ARHGAP24: variants seen among roughly 807,000 people sequenced by gnomAD.
ARHGAP24 encodes Rho GTPase activating protein 24, also known as rho GTPase-activating protein 24.
ARHGAP24 carries 50 observed loss-of-function variants against 76.4 expected under a neutral mutation model. That is an observed-to-expected ratio of 0.65 (90% CI 0.52 to 0.83). ARHGAP24 has a LOEUF of 0.83. ARHGAP24 is among the 40% of genes least tolerant of loss of function. The pLI is 0.00. For missense variants in ARHGAP24, 930 were observed against 914.2 expected (o/e 1.02, Z -0.22); for synonymous variants, 345 against 323.3 (o/e 1.07, Z -0.72).
intron 2 of ARHGAP24, among the ~76,000 whole-genome samples, chr4:85,646,316 C>T (rs557013519): frequency 6.6e-6 from 1 of 152,002 alleles, no homozygotes; most frequent in Non-Finnish European, 1.5e-5. Context: ...AATATGCCAT[C>T]ATCATCATTA....
At chr4:85,577,416 A>G (rs996470876) in intron 2 of ARHGAP24, among the ~76,000 whole-genome samples, 3 of 152,094 alleles carry the variant, frequency 2.0e-5, no homozygotes, top group African/African-American at 7.2e-5. Flanking sequence ...GGGAATATAA[A>G]ATAGCGTATT....
intron 1 of ARHGAP24, among the ~76,000 whole-genome samples, chr4:85,492,927 T>C (rs1578183700): frequency 6.6e-6 from 1 of 152,342 alleles, no homozygotes; most frequent in East Asian, 1.9e-4. Context: ...ACACAACATT[T>C]ATTTGTCATG....
intron 3 of ARHGAP24, among the ~76,000 whole-genome samples, chr4:85,805,860 T>G (rs1382506286): frequency 6.6e-6 from 1 of 152,160 alleles, no homozygotes; most frequent in African/African-American, 2.4e-5. Context: ...ACAAGCCTAT[T>G]TGGAAATTTA....
At chr4:85,704,207 C>G (rs1392573208) in intron 2 of ARHGAP24, among the ~76,000 whole-genome samples, 1 of 151,986 alleles carries the variant, frequency 6.6e-6, no homozygotes, top group African/African-American at 2.4e-5. Context: ...AGGTTGTACC[C>G]CATTTGTCAG....
At chr4:85,937,493 A>G (rs989400910) in intron 4 of ARHGAP24, among the ~76,000 whole-genome samples, 2 of 152,206 alleles carry the variant, frequency 1.3e-5, no homozygotes, top group African/African-American at 4.8e-5. Context: ...ACCTGAGAAT[A>G]ATTAATATGT....
At chr4:85,924,514 C>T (rs1578393932) in intron 4 of ARHGAP24, among the ~76,000 whole-genome samples, 1 of 151,890 alleles carries the variant, frequency 6.6e-6, no homozygotes, top group South Asian at 2.1e-4. Flanking sequence ...AACATAATGC[C>T]TAATTTTTAT....
rs1406901184 is a variant in ARHGAP24 at position 85,643,248 on chromosome 4, T to G, written c.180+72527T>G. On this transcript the variant is annotated intron_variant, in intron 2 of 9. Coordinates refer to ENST00000395184, the MANE Select transcript of ARHGAP24 (RefSeq NM_001025616.3). The stretch of plus-strand genomic sequence containing the variant: ...CGTTTTTTTGTGTTTTTTTTTTTTT[T>G]TTTTTTTTTTTTTTTTTTTTTGAGA... Among the ~76,000 whole-genome samples, 17 of 43,526 alleles carry G rather than the reference T, an allele frequency of 3.9e-4. 1 individual carries two copies. Among genetic ancestry groups the G allele is most frequent in the East Asian group, 0.011 (1 of 88 alleles). The allele number at this position is 43,526 out of a possible 152,430, so 28.6% of individuals were successfully genotyped here.
At position 85,723,883 on chromosome 4, in the gene ARHGAP24, T is replaced by A. The variant is rs141087230; in HGVS notation, c.268+1911T>A. ...TGTACTTCTGTGATAATGTGGGATC[T>A]GTATCAGGTTATTTTCATCAATATT... On this transcript the variant is annotated intron_variant, in intron 3 of 9. Coordinates refer to ENST00000395184, the MANE Select transcript of ARHGAP24 (RefSeq NM_001025616.3). Among the ~76,000 whole-genome samples the A allele has an allele frequency of 3.3e-3, 504 of 152,344 alleles. 3 individuals carry two copies. Among genetic ancestry groups the A allele is most frequent in the African/African-American group, 0.011 (478 of 41,586 alleles).
At chr4:85,786,577 A>G (rs1725730802) in intron 3 of ARHGAP24, among the ~76,000 whole-genome samples, 1 of 152,222 alleles carries the variant, frequency 6.6e-6, no homozygotes, top group Non-Finnish European at 1.5e-5. Context: ...TTTGTGTCAG[A>G]GATATGCATT....
intron 1 of ARHGAP24, among the ~76,000 whole-genome samples, chr4:85,486,537 C>T (rs1723055605): frequency 6.6e-6 from 1 of 152,116 alleles, no homozygotes; most frequent in African/African-American, 2.4e-5. Flanking sequence ...CAAATGCAAA[C>T]AATATCTAAG....
chr4:85,772,682 T>C (rs1727174644), intron 3 of ARHGAP24, among the ~76,000 whole-genome samples: 1 of 152,236 alleles, frequency 6.6e-6, no homozygotes, highest in East Asian at 1.9e-4. Flanking sequence ...ATGAAAGATT[T>C]GTACTTTGCA....
intron 3 of ARHGAP24, among the ~76,000 whole-genome samples, chr4:85,774,984 T>C (rs1727258681): frequency 6.6e-6 from 1 of 152,192 alleles, no homozygotes; most frequent in Non-Finnish European, 1.5e-5. Flanking sequence ...AGGTTTCTAA[T>C]CTTATTTATA....
At chr4:85,940,269 A>T (rs1736882070) in intron 4 of ARHGAP24, among the ~76,000 whole-genome samples, 1 of 152,082 alleles carries the variant, frequency 6.6e-6, no homozygotes. Context: ...GTTTTGGATC[A>T]GTAGTTCAAT....
chr4:85,891,007 C>T (rs182264693), intron 3 of ARHGAP24, among the ~76,000 whole-genome samples: 67 of 151,998 alleles, frequency 4.4e-4, no homozygotes, highest in Middle Eastern at 3.4e-3. Context: ...ATATTAGAGA[C>T]GGGGTAACCA....
intron 2 of ARHGAP24, among the ~76,000 whole-genome samples, chr4:85,579,493 GT>G (rs5859985): frequency 0.11 from 14,408 of 128,712 alleles, 2,199 homozygotes; most frequent in African/African-American, 0.38. Flanking sequence ...TCTCTTTTAG[GT>G]TTTTTTTTTT....
intron 2 of ARHGAP24, among the ~76,000 whole-genome samples, chr4:85,655,848 G>GAGAGGGAC (rs1722151935): frequency 1.5e-5 from 1 of 67,628 alleles, no homozygotes; most frequent in African/African-American, 6.1e-5. Flanking sequence ...GAGAGAGACA[G>GAGAGGGAC]AGAGGAAGTT....
intron 2 of ARHGAP24, among the ~76,000 whole-genome samples, chr4:85,714,406 T>C (rs1450522009): frequency 6.6e-6 from 1 of 152,124 alleles, no homozygotes; most frequent in Non-Finnish European, 1.5e-5. Context: ...TAAAATTAAA[T>C]GAGCCCAGAA....
At chr4:85,723,448 A>G (rs1224272840) in intron 3 of ARHGAP24, 1 of 152,202 alleles carries the variant, frequency 6.6e-6, no homozygotes, top group Non-Finnish European at 1.5e-5. Flanking sequence ...GCTATTCTAA[A>G]TCATCTGTTT....
rs535517037 is a variant in ARHGAP24 at position 85,746,626 on chromosome 4, G to A, written c.268+24654G>A. Among the ~76,000 whole-genome samples, 41 of 152,030 alleles carry A rather than the reference G, an allele frequency of 2.7e-4. No individual in the cohort carries two copies. The South Asian group carries it at 6.4e-3, about 24-fold the overall frequency. ...ACGCCTGAACAGGAGAGGCACTCAG[G>A]TTGTTTGATTGGCTTGTTTGTTTTG... On this transcript the variant is annotated intron_variant, in intron 3 of 9. Coordinates refer to ENST00000395184, the MANE Select transcript of ARHGAP24 (RefSeq NM_001025616.3).
Sources: allele counts gnomAD v4.1 joint callset (sites outside exome capture counted in the v4.1 genomes callset), GRCh38; gene constraint gnomAD v4.1.1; transcripts MANE v1.5; gene names NCBI Gene and HGNC (gene_info 2026-07-23, HGNC 2026-07-21).